CDH12: variants seen among roughly 807,000 people sequenced by gnomAD.
The protein encoded by CDH12 is cadherin 12.
CDH12 carries 41 observed loss-of-function variants against 74.1 expected under a neutral mutation model. The ratio of observed to expected loss-of-function variants is 0.55; its 90% CI spans 0.43 to 0.72. The LOEUF is 0.72. CDH12 is among the 30% of genes least tolerant of loss of function. CDH12 has a pLI of 0.00. For synonymous variants in CDH12, 399 were observed against 355.0 expected (o/e 1.12, Z -1.39); for missense variants, 945 against 977.2 (o/e 0.97, Z 0.44).
At chr5:22,667,950 T>A (rs556218843) in intron 1 of CDH12, among the ~76,000 whole-genome samples, 11 of 149,428 alleles carry the variant, frequency 7.4e-5, no homozygotes, top group East Asian at 6.0e-4. Flanking sequence ...ACTCTTTGTA[T>A]TATAAGGAGG....
intron 3 of CDH12, among the ~76,000 whole-genome samples, chr5:22,259,696 T>G (rs1051407616): frequency 4.6e-5 from 7 of 152,078 alleles, no homozygotes; most frequent in Admixed American, 3.9e-4. Context: ...TCATATAATT[T>G]CTTGATCTGG....
At chr5:22,119,742 C>T (rs545292863) in intron 4 of CDH12, among the ~76,000 whole-genome samples, 2 of 152,176 alleles carry the variant, frequency 1.3e-5, no homozygotes, top group East Asian at 3.9e-4. Flanking sequence ...TTTATTTATT[C>T]ACACAAAGTA....
intron 4 of CDH12, among the ~76,000 whole-genome samples, chr5:22,126,034 A>T: frequency 6.8e-6 from 1 of 147,478 alleles, no homozygotes; most frequent in Non-Finnish European, 1.5e-5. Context: ...CTGCTTTAAT[A>T]TTGTCCTTTT....
chr5:22,547,134 T>C (rs1738368142), intron 1 of CDH12, among the ~76,000 whole-genome samples: 1 of 152,216 alleles, frequency 6.6e-6, no homozygotes, highest in Admixed American at 6.5e-5. Flanking sequence ...AGAAAAACTG[T>C]TGTAATTAAA....
At chr5:22,389,017 G>A (rs141545276) in intron 3 of CDH12, among the ~76,000 whole-genome samples, 1,602 of 152,232 alleles carry the variant, frequency 0.011, 72 homozygotes, top group Admixed American at 0.078. Context: ...CTTGACAGCC[G>A]AGGGCAAACA....
At chr5:22,446,884 T>C (rs1744837384) in intron 2 of CDH12, among the ~76,000 whole-genome samples, 1 of 152,080 alleles carries the variant, frequency 6.6e-6, no homozygotes, top group Admixed American at 6.6e-5. Flanking sequence ...GAATGAGATA[T>C]GAATAGTCAA....
chr5:22,253,209 G>C (rs1753192682), intron 3 of CDH12, among the ~76,000 whole-genome samples: 1 of 151,162 alleles, frequency 6.6e-6, no homozygotes, highest in Non-Finnish European at 1.5e-5. Context: ...AAGTAATTAT[G>C]ACATTTTAAT....
intron 5 of CDH12, among the ~76,000 whole-genome samples, chr5:21,992,610 A>G (rs1431822928): frequency 6.6e-6 from 1 of 152,030 alleles, no homozygotes; most frequent in Non-Finnish European, 1.5e-5. Flanking sequence ...AATGTTATTG[A>G]CCATAGAGGT....
At chr5:22,198,559 G>C in intron 4 of CDH12, among the ~76,000 whole-genome samples, 1 of 151,972 alleles carries the variant, frequency 6.6e-6, no homozygotes, top group African/African-American at 2.4e-5. Context: ...TGCTCTATTT[G>C]TATAAGTAGT....
chr5:22,609,094 G>T (rs1737266220), intron 1 of CDH12, among the ~76,000 whole-genome samples: 1 of 152,110 alleles, frequency 6.6e-6, no homozygotes, highest in Non-Finnish European at 1.5e-5. Context: ...CATATTGGGA[G>T]TGGGTGACCC....
chr5:22,749,284 T>C (rs577472405), intron 1 of CDH12, among the ~76,000 whole-genome samples: 8 of 152,286 alleles, frequency 5.3e-5, no homozygotes, highest in African/African-American at 1.9e-4. Context: ...AGGTGAGAAA[T>C]GAGTCTGAAA....
intron 6 of CDH12, among the ~76,000 whole-genome samples, chr5:21,963,116 TA>T (rs1756435082): frequency 7.7e-6 from 1 of 129,194 alleles, no homozygotes; most frequent in African/African-American, 3.6e-5. Flanking sequence ...GATAGATAGA[TA>T]GATAGATAGA....
chr5:22,631,329 T>G lies in CDH12; in HGVS notation c.-522-125965A>C, dbSNP rs559403283. Among the ~76,000 whole-genome samples, 4 of 152,294 alleles carry G rather than the reference T, an allele frequency of 2.6e-5. No individual in the cohort carries two copies. The East Asian group carries it at 7.7e-4, about 29-fold the overall frequency. On this transcript the variant is annotated intron_variant, in intron 1 of 14. Transcript: ENST00000382254. ...TAAATAATTCTGTCATAAAGACACA[T>G]GCATGTATATGCGTACTGCAGCACT...
chr5:21,992,849 C>T (rs969347681), intron 5 of CDH12, among the ~76,000 whole-genome samples: 36 of 152,184 alleles, frequency 2.4e-4, no homozygotes, highest in African/African-American at 8.7e-4. Flanking sequence ...AAAGAATTAC[C>T]TGAGACTGGG....
intron 2 of CDH12, among the ~76,000 whole-genome samples, chr5:22,459,636 G>A (rs1471175027): frequency 6.6e-6 from 1 of 152,086 alleles, no homozygotes; most frequent in Non-Finnish European, 1.5e-5. Flanking sequence ...AAGCCATAGA[G>A]CACAATAAAA....
At chr5:22,080,692 C>CTT (rs368025431) in intron 4 of CDH12, among the ~76,000 whole-genome samples, 3 of 151,320 alleles carry the variant, frequency 2.0e-5, no homozygotes, top group African/African-American at 7.3e-5. Flanking sequence ...AGGAAGGTAT[C>CTT]TTTTTTTTTA....
At chr5:22,502,291 A>T (rs1264841847) in intron 2 of CDH12, among the ~76,000 whole-genome samples, 1 of 151,988 alleles carries the variant, frequency 6.6e-6, no homozygotes, top group African/African-American at 2.4e-5. Context: ...TATTCCCCTG[A>T]ATATACTCTC....
chr5:22,666,478 G>A (rs1197796602), intron 1 of CDH12, among the ~76,000 whole-genome samples: 1 of 151,744 alleles, frequency 6.6e-6, no homozygotes, highest in African/African-American at 2.4e-5. Context: ...TTTTAGTAGA[G>A]ACGGGGTTTC....
At chr5:22,281,416 G>T (rs1736878049) in intron 3 of CDH12, among the ~76,000 whole-genome samples, 1 of 152,094 alleles carries the variant, frequency 6.6e-6, no homozygotes. Flanking sequence ...ATTCAAATAG[G>T]AAGAGAGGAA....
Sources: allele counts gnomAD v4.1 joint callset (sites outside exome capture counted in the v4.1 genomes callset), GRCh38; gene constraint gnomAD v4.1.1; transcripts MANE v1.5; gene names NCBI Gene and HGNC (gene_info 2026-07-23, HGNC 2026-07-21).